The following METTL15 variants were observed in gnomAD, a reference collection of about 807,000 sequenced individuals.
METTL15 encodes the protein methyltransferase 15, mitochondrial 12S rRNA N4-cytidine, also known as 12S rRNA N(4)-cytidine methyltransferase METTL15.
A neutral mutation model predicts 38.3 loss-of-function variants in METTL15; 34 were observed. The observed-to-expected ratio is 0.89, with a 90% confidence interval of 0.68 to 1.18. METTL15 has a LOEUF of 1.18. METTL15 is among the 50% of genes most tolerant of loss of function. The pLI, the probability that METTL15 is intolerant of heterozygous loss-of-function variation, is 0.00. For missense variants in METTL15, 438 were observed against 498.4 expected, an observed-to-expected ratio of 0.88 and a Z score of 1.15; for synonymous variants, 162 against 170.9, an observed-to-expected ratio of 0.95 and a Z score of 0.41.
intron 3 of METTL15, among the ~76,000 whole-genome samples, chr11:28,161,107 C>CTTTTTTTTTTTT (rs10660185): frequency 3.8e-5 from 5 of 131,900 alleles, no homozygotes; most frequent in Admixed American, 8.8e-5. Flanking sequence ...TTGCACCTTC[C>CTTTTTTTTTTTT]TTTTTTTTTT....
rs567000741 is a variant in METTL15 at position 28,482,012 on chromosome 11, C to G, written c.*425-44466C>G. Among the ~76,000 whole-genome samples the G allele has an allele frequency of 1.8e-3, 278 of 152,070 alleles. 1 individual carries two copies. Among genetic ancestry groups the G allele is most frequent in the Non-Finnish European group, 3.3e-3 (225 of 67,960 alleles). On this transcript the variant is annotated intron_variant and NMD_transcript_variant, in intron 6 of 7. Coordinates refer to the METTL15 transcript ENST00000532947. ...GGATTTTGAGCTTTTTTTTTCCACC[C>G]TTGTCTGCAAACTCTCTCAGCCCTA...
intron 6 of METTL15, among the ~76,000 whole-genome samples, chr11:28,504,113 G>A (rs1386968031): frequency 7.5e-5 from 11 of 146,758 alleles, no homozygotes; most frequent in African/African-American, 2.3e-4. Flanking sequence ...TAGGAGAATC[G>A]CTTGAACCCG....
intron 6 of METTL15, among the ~76,000 whole-genome samples, chr11:28,522,292 G>C (rs181095810): frequency 6.6e-6 from 1 of 152,290 alleles, no homozygotes; most frequent in Non-Finnish European, 1.5e-5. Context: ...TATATAGAAA[G>C]GTTTATTTGA....
intron 3 of METTL15, among the ~76,000 whole-genome samples, chr11:28,202,593 A>T (rs1179527315): frequency 6.6e-6 from 1 of 152,070 alleles, no homozygotes; most frequent in Non-Finnish European, 1.5e-5. Flanking sequence ...AATGCCTAAC[A>T]TTTTAAATTA....
At chr11:28,298,667 G>A (rs746111849) in intron 6 of METTL15, among the ~76,000 whole-genome samples, 1 of 152,042 alleles carries the variant, frequency 6.6e-6, no homozygotes, top group African/African-American at 2.4e-5. Context: ...GTACATTAGA[G>A]CTATGAGAAA....
chr11:28,157,964 G>A (rs1850320846), intron 3 of METTL15, among the ~76,000 whole-genome samples: 1 of 152,198 alleles, frequency 6.6e-6, no homozygotes, highest in East Asian at 1.9e-4. Flanking sequence ...CTGAAGGACG[G>A]CGGTGAAGGG....
At chr11:28,173,901 G>A (rs557871234) in intron 3 of METTL15, among the ~76,000 whole-genome samples, 2 of 152,294 alleles carry the variant, frequency 1.3e-5, no homozygotes, top group African/African-American at 4.8e-5. Context: ...TGGGTTTCGG[G>A]GAGGAAGACT....
chr11:28,380,044 A>G (rs1036141710), intron 5 of METTL15, among the ~76,000 whole-genome samples: 8 of 150,634 alleles, frequency 5.3e-5, no homozygotes, highest in African/African-American at 1.5e-4. Context: ...TTTTTGGTTT[A>G]TTTCCATAGA....
chr11:28,495,186 T>A (rs1048660925), intron 6 of METTL15, among the ~76,000 whole-genome samples: 1 of 152,178 alleles, frequency 6.6e-6, no homozygotes, highest in African/African-American at 2.4e-5. Flanking sequence ...ATATAAACCA[T>A]AGAGACAGCC....
rs1458879272 is a variant in METTL15 at position 28,482,647 on chromosome 11, A to T, written c.*425-43831A>T. On this transcript the variant is annotated intron_variant and NMD_transcript_variant, in intron 6 of 7. Transcript: ENST00000532947. ...GCTCAGATGTTTTAGTGACTTGGTT[A>T]GTAGATAATGTGCCACTGACCAGAG... is the stretch of plus-strand genomic sequence containing the variant. Among the ~76,000 whole-genome samples, 4 of 152,328 alleles carry T rather than the reference A, an allele frequency of 2.6e-5. No individual in the cohort carries two copies. The East Asian group carries it at 7.7e-4, about 29-fold the overall frequency.
At chr11:28,276,020 T>C (rs375368310) in intron 4 of METTL15, among the ~76,000 whole-genome samples, 9 of 152,118 alleles carry the variant, frequency 5.9e-5, no homozygotes, top group African/African-American at 1.9e-4. Flanking sequence ...GAAAGTCTTT[T>C]CTCTAGGAAC....
intron 5 of METTL15, among the ~76,000 whole-genome samples, chr11:28,372,468 T>TTTTTTTC (rs1850254812): frequency 9.8e-6 from 1 of 102,106 alleles, no homozygotes; most frequent in African/African-American, 3.6e-5. Flanking sequence ...TTTTTTTTTT[T>TTTTTTTC]CTCCATGCCA....
intron 6 of METTL15, among the ~76,000 whole-genome samples, chr11:28,468,765 A>G (rs1851278563): frequency 6.6e-6 from 1 of 152,106 alleles, no homozygotes; most frequent in South Asian, 2.1e-4. Flanking sequence ...TTAGCACACA[A>G]TTTACATATG....
At chr11:28,335,923 G>A (rs1368543374), downstream of METTL15, among the ~76,000 whole-genome samples, 1 of 152,134 alleles carries the variant, frequency 6.6e-6, no homozygotes, top group Non-Finnish European at 1.5e-5. Flanking sequence ...AATGGACTGA[G>A]ACATGCATGT....
In METTL15 at chr11:28,389,243, T is replaced by TA. The variant is rs1554918948; in HGVS notation, c.*358+27208dup. ...AATAGTATTTCTAGTTCTTTTTTTT[T>TA]ATTATACTTTAAGTTTTACGGTACA... On this transcript the variant is annotated intron_variant and NMD_transcript_variant, in intron 5 of 7. Coordinates refer to the METTL15 transcript ENST00000532947. 3.2e-4 allele frequency among the ~76,000 whole-genome samples: 48 copies of TA among 150,618 alleles called. No individual in the cohort carries two copies. In the East Asian group the frequency reaches 3.4e-3, roughly 11 times the overall value.
chr11:28,181,522 C>T (rs899603722), intron 3 of METTL15, among the ~76,000 whole-genome samples: 3 of 151,820 alleles, frequency 2.0e-5, no homozygotes, highest in Admixed American at 6.6e-5. Flanking sequence ...GTTTTCTGTT[C>T]CTGTGTTAGT....
At chr11:28,435,763 C>T (rs1328970572) in intron 6 of METTL15, among the ~76,000 whole-genome samples, 2 of 152,168 alleles carry the variant, frequency 1.3e-5, no homozygotes, top group African/African-American at 4.8e-5. Flanking sequence ...CTTTACTATT[C>T]TTCTAAGCCC....
intron 5 of METTL15, chr11:28,410,741 C>T (rs1249725612): frequency 6.6e-6 from 1 of 151,996 alleles, no homozygotes; most frequent in Non-Finnish European, 1.5e-5. Context: ...TCACCACTTC[C>T]ATTCAACATA....
intron 3 of METTL15, among the ~76,000 whole-genome samples, chr11:28,194,169 TTTC>T (rs1851814508): frequency 1.3e-5 from 1 of 77,310 alleles, no homozygotes; most frequent in African/African-American, 5.3e-5. Context: ...TCTTTCTTTC[TTTC>T]TTTTTCTCTC....
Sources: allele counts gnomAD v4.1 joint callset (sites outside exome capture counted in the v4.1 genomes callset), GRCh38; gene constraint gnomAD v4.1.1; transcripts MANE v1.5; gene names NCBI Gene and HGNC (gene_info 2026-07-23, HGNC 2026-07-21).